The following SLC10A7 variants were observed in gnomAD, a reference collection of about 807,000 sequenced individuals.
SLC10A7 encodes the protein sodium/bile acid cotransporter 7.
Under a neutral mutation model 43.2 loss-of-function variants are expected in SLC10A7, and 29 were observed. The ratio of observed to expected loss-of-function variants is 0.67; its 90% confidence interval spans 0.50 to 0.92. The LOEUF is 0.92. SLC10A7 is among the 40% of genes least tolerant of loss of function. The probability of loss-of-function intolerance (pLI) is 0.00; values close to 1 mark genes in which losing one functional copy is unlikely to be tolerated. For synonymous variants in SLC10A7, 152 were observed against 144.8 expected, an observed-to-expected ratio of 1.05 and a Z score of -0.35; for missense variants, 295 against 403.2, an observed-to-expected ratio of 0.73 and a Z score of 2.30.
intron 4 of SLC10A7, among the ~76,000 whole-genome samples, chr4:146,447,494 T>C (rs746767983): frequency 2.0e-5 from 3 of 152,158 alleles, no homozygotes; most frequent in Non-Finnish European, 2.9e-5. Context: ...GAATGCTCCA[T>C]TACAACAAGA....
intron 4 of SLC10A7, among the ~76,000 whole-genome samples, chr4:146,476,255 T>A (rs1424899139): frequency 6.6e-6 from 1 of 152,150 alleles, no homozygotes; most frequent in East Asian, 1.9e-4. Context: ...TAAAGCACAA[T>A]TAAACACTTC....
At chr4:146,514,071 C>T (rs368225669) in intron 2 of SLC10A7, 13 of 152,196 alleles carry the variant, frequency 8.5e-5, no homozygotes, top group African/African-American at 3.1e-4. Flanking sequence ...TCATTAGACA[C>T]CGATTTCTCT....
At chr4:146,355,374 A>C (rs1735499977) in intron 5 of SLC10A7, among the ~76,000 whole-genome samples, 2 of 152,208 alleles carry the variant, frequency 1.3e-5, no homozygotes, top group Non-Finnish European at 2.9e-5. Flanking sequence ...GCAATCATTA[A>C]AAAGTCAGGA....
intron 4 of SLC10A7, among the ~76,000 whole-genome samples, chr4:146,462,553 G>A (rs934153359): frequency 2.0e-5 from 3 of 152,088 alleles, no homozygotes; most frequent in African/African-American, 7.2e-5. Context: ...ATGCTATGTA[G>A]CTAAGATATA....
intron 6 of SLC10A7, among the ~76,000 whole-genome samples, chr4:146,324,411 C>T (rs2149705416): frequency 6.6e-6 from 1 of 152,302 alleles, no homozygotes; most frequent in Non-Finnish European, 1.5e-5. Context: ...CTCAGAGATT[C>T]CAGCCTCTGA....
intron 5 of SLC10A7, among the ~76,000 whole-genome samples, chr4:146,374,615 C>T (rs2356821): frequency 0.78 from 108,702 of 139,566 alleles, 42,214 homozygotes; most frequent in South Asian, 0.89. Context: ...TATATATATA[C>T]ACATACACAC....
At chr4:146,327,614 A>G (rs1309587943) in intron 5 of SLC10A7, among the ~76,000 whole-genome samples, 2 of 152,254 alleles carry the variant, frequency 1.3e-5, no homozygotes, top group Non-Finnish European at 2.9e-5. Flanking sequence ...CCACTTATAT[A>G]CTGGGTACTG....
At chr4:146,520,518 G>A (rs540552248) in intron 1 of SLC10A7, among the ~76,000 whole-genome samples, 2 of 152,242 alleles carry the variant, frequency 1.3e-5, no homozygotes, top group Admixed American at 1.3e-4. Context: ...AAATGTTCCC[G>A]GAAGCTACTT....
At chr4:146,486,635 T>C (rs542376882) in intron 4 of SLC10A7, among the ~76,000 whole-genome samples, 1 of 152,344 alleles carries the variant, frequency 6.6e-6, no homozygotes, top group Non-Finnish European at 1.5e-5. Context: ...TGGGTGGGAT[T>C]GGCTTCCTGG....
intron 5 of SLC10A7, among the ~76,000 whole-genome samples, chr4:146,402,704 T>C (rs1739306077): frequency 6.6e-6 from 1 of 152,204 alleles, no homozygotes; most frequent in Non-Finnish European, 1.5e-5. Flanking sequence ...GGGAATAATA[T>C]AGGCTAGCAA....
rs747792316 is a variant in SLC10A7, at chr4:146,437,906, G to A, written c.435+4877C>T. Among the ~76,000 whole-genome samples, 16 of 151,928 alleles carry A rather than the reference G, an allele frequency of 1.1e-4. 1 individual carries two copies. The highest frequency in any genetic ancestry group is 2.1e-4 in the South Asian group (1 of 4,812). On this transcript the variant is annotated intron_variant, in intron 5 of 11. Transcript: ENST00000335472. ...CCAGGAATTTCTCTAATGTTTTATAGCATAGTTGGAAACTCAGTTTGGCAT... is the reference window on the plus strand; with the variant it reads ...CCAGGAATTTCTCTAATGTTTTATAACATAGTTGGAAACTCAGTTTGGCAT...
chr4:146,351,409 T>C (rs1015579575), intron 5 of SLC10A7, among the ~76,000 whole-genome samples: 2 of 152,110 alleles, frequency 1.3e-5, no homozygotes, highest in Admixed American at 6.5e-5. Context: ...CTACGTCTGA[T>C]TGGTGTACCT....
intron 5 of SLC10A7, among the ~76,000 whole-genome samples, chr4:146,438,521 G>A (rs1474594225): frequency 3.3e-5 from 5 of 151,962 alleles, no homozygotes; most frequent in Non-Finnish European, 7.4e-5. Flanking sequence ...TTGCCATGAA[G>A]TGTTCTAATG....
intron 5 of SLC10A7, among the ~76,000 whole-genome samples, chr4:146,407,965 C>T (rs936596298): frequency 6.6e-6 from 1 of 152,148 alleles, no homozygotes; most frequent in Non-Finnish European, 1.5e-5. Flanking sequence ...AAGGGAAAAA[C>T]GTCAGTCAGG....
intron 10 of SLC10A7, among the ~76,000 whole-genome samples, chr4:146,265,897 G>A (rs1030260198): frequency 2.6e-5 from 4 of 152,218 alleles, no homozygotes; most frequent in African/African-American, 7.2e-5. Context: ...GAAGTATGGA[G>A]TAAGCAAGAA....
At chr4:146,510,259 TA>T (rs33921893) in intron 2 of SLC10A7, among the ~76,000 whole-genome samples, 43,200 of 148,020 alleles carry the variant, frequency 0.29, 6,488 homozygotes, top group South Asian at 0.32. Context: ...TAAAATTTCT[TA>T]AATTTTTTTT....
At chr4:146,317,636 G>A (rs1012931609) in intron 6 of SLC10A7, among the ~76,000 whole-genome samples, 1 of 151,952 alleles carries the variant, frequency 6.6e-6, no homozygotes, top group African/African-American at 2.4e-5. Context: ...GGGGGCAAGT[G>A]TCATCCAATC....
intron 6 of SLC10A7, among the ~76,000 whole-genome samples, chr4:146,315,488 A>C (rs1732265207): frequency 6.6e-6 from 1 of 152,200 alleles, no homozygotes; most frequent in African/African-American, 2.4e-5. Context: ...AGTAAGAAAG[A>C]GATCCATTGA....
intron 5 of SLC10A7, among the ~76,000 whole-genome samples, chr4:146,424,520 C>T (rs1027827969): frequency 6.6e-5 from 10 of 151,820 alleles, no homozygotes; most frequent in African/African-American, 1.2e-4. Context: ...ATTAGCTGGG[C>T]GTGGTGGAGG....
Sources: gnomAD v4.1 joint callset for allele counts (sites outside exome capture counted in the v4.1 genomes callset) on GRCh38, gnomAD v4.1.1 for gene constraint, MANE v1.5 for transcripts, NCBI Gene and HGNC (gene_info 2026-07-23, HGNC 2026-07-21) for gene names.